The following SPECC1 variants were observed in gnomAD, a reference collection of about 807,000 sequenced individuals.
The protein encoded by SPECC1 is sperm antigen with calponin homology and coiled-coil domains 1.
Under a neutral mutation model 104.1 loss-of-function variants are expected in SPECC1, and 62 were observed. The ratio of observed to expected loss-of-function variants is 0.60; its 90% CI spans 0.49 to 0.74. SPECC1 has a LOEUF of 0.74. Among genes scored for constraint, SPECC1 ranks in the 30% least tolerant of loss-of-function variants. The probability of loss-of-function intolerance (pLI) is 0.00; values close to 1 mark genes in which losing one functional copy is unlikely to be tolerated. For missense variants in SPECC1, 1,306 were observed against 1,310.5 expected (o/e 1.00, Z 0.05); for synonymous variants, 513 against 501.6 (o/e 1.02, Z -0.30).
chr17:20,172,968 C>A (rs2034201173), intron 3 of SPECC1, among the ~76,000 whole-genome samples: 1 of 152,208 alleles, frequency 6.6e-6, no homozygotes, highest in Non-Finnish European at 1.5e-5. Flanking sequence ...TGCCTCCTTT[C>A]TTTACCTTGA....
At chr17:20,181,913 A>G (rs2034917849) in intron 3 of SPECC1, among the ~76,000 whole-genome samples, 1 of 152,222 alleles carries the variant, frequency 6.6e-6, no homozygotes, top group East Asian at 1.9e-4. Context: ...GGGTGGGTAG[A>G]TATAATGTTA....
At chr17:20,275,190 G>A (rs1183337342) in intron 12 of SPECC1, among the ~76,000 whole-genome samples, 2 of 152,088 alleles carry the variant, frequency 1.3e-5, no homozygotes, top group African/African-American at 2.4e-5. Flanking sequence ...GTACATATCT[G>A]GGGGCAAAAT....
chr17:20,099,823 G>A (rs2047855546), intron 2 of SPECC1, among the ~76,000 whole-genome samples: 1 of 151,622 alleles, frequency 6.6e-6, no homozygotes, highest in African/African-American at 2.4e-5. Flanking sequence ...TTCATGTTTT[G>A]GAAACTTGTT....
rs1350034210 is a variant in SPECC1, at chr17:20,232,131, T to C, written c.2146-69T>C. The C allele has an allele frequency of 2.5e-6, 4 of 1,577,042 alleles. No individual in the cohort carries two copies. The African/African-American group carries it at 5.4e-5, about 21-fold the overall frequency. Reference sequence around the variant, plus strand: ...TTTTCTTGGTGACCAACACGGGGACTCTGGGGTCCCTGCCCAGGCACTGGC... The same window carrying C: ...TTTTCTTGGTGACCAACACGGGGACCCTGGGGTCCCTGCCCAGGCACTGGC... On this transcript the variant is annotated intron_variant, in intron 6 of 14. Coordinates refer to ENST00000395527, the MANE Select transcript of SPECC1 (RefSeq NM_001243439.2).
At position 20,232,290 on chromosome 17, in the gene SPECC1, C is replaced by A; in HGVS notation, c.2236C>A (p.Leu746Met). The change falls in exon 7 of 15, where the codon CTG becomes ATG. Residue 746 changes from leucine to methionine, a missense_variant. Leu to Met is a conservative substitution (Grantham distance 15). Coordinates refer to ENST00000395527, the MANE Select transcript of SPECC1 (RefSeq NM_001243439.2). Reference protein sequence around the residue: ...NDIKCEAQQELRTVKRKLLEE... With the variant: ...NDIKCEAQQEMRTVKRKLLEE... ...CATCAAGTGTGAGGCCCAGCAGGAG[C>A]TGCGCACCGTGAAGAGGAAACTGCT... 3.1e-6 allele frequency: 5 copies of A among 1,614,180 alleles called. No homozygotes were observed. Among genetic ancestry groups the A allele is most frequent in the Non-Finnish European group, 3.4e-6 (4 of 1,180,032 alleles).
chr17:20,278,099 G>A (rs1266989011), intron 12 of SPECC1, among the ~76,000 whole-genome samples: 4 of 152,012 alleles, frequency 2.6e-5, no homozygotes, highest in East Asian at 1.9e-4. Flanking sequence ...GTGAAAGACC[G>A]GCTTTTTTTA....
At position 20,314,979 on chromosome 17, in the gene SPECC1, C is replaced by T. The variant is rs780802104; in HGVS notation, c.*914C>T. On this transcript the variant is annotated 3_prime_UTR_variant, in exon 15 of 15. Transcript: ENST00000395527. Reference sequence around the variant, plus strand: ...AGTCTGTGTGCTCCTGAGCAGCTCGCGGCTTTCACAGTAGGGAAACCGCAG... The same window carrying T: ...AGTCTGTGTGCTCCTGAGCAGCTCGTGGCTTTCACAGTAGGGAAACCGCAG... 8.6e-5 allele frequency: 20 copies of T among 232,660 alleles called. No homozygotes were observed. Among genetic ancestry groups the T allele is most frequent in the Non-Finnish European group, 1.5e-4 (18 of 117,674 alleles). 14.4% of individuals were successfully genotyped at this position (232,660 alleles called of 1,614,324 possible). A position where few individuals can be genotyped will look rare whatever the true frequency, so the allele number is the denominator to read the frequency against.
At chr17:20,201,039 T>C (rs1055062232) in intron 3 of SPECC1, among the ~76,000 whole-genome samples, 5 of 152,110 alleles carry the variant, frequency 3.3e-5, no homozygotes, top group Admixed American at 6.6e-5. Context: ...GTAACACTTA[T>C]GGGGAGAACA....
intron 14 of SPECC1, among the ~76,000 whole-genome samples, chr17:20,309,367 G>T (rs1004618714): frequency 2.0e-5 from 3 of 152,108 alleles, no homozygotes; most frequent in Non-Finnish European, 4.4e-5. Flanking sequence ...AGTTTCTGGG[G>T]TATAACATAT....
At chr17:20,275,571 G>T (rs1489866956) in intron 12 of SPECC1, among the ~76,000 whole-genome samples, 1 of 152,202 alleles carries the variant, frequency 6.6e-6, no homozygotes, top group Non-Finnish European at 1.5e-5. Context: ...ATGTTGTTGG[G>T]TAGAAGTTGG....
At chr17:20,098,831 G>C (rs2047780408) in intron 2 of SPECC1, among the ~76,000 whole-genome samples, 1 of 152,198 alleles carries the variant, frequency 6.6e-6, no homozygotes, top group Non-Finnish European at 1.5e-5. Flanking sequence ...TCTCATGGCT[G>C]GAAAGTAAGC....
intron 14 of SPECC1, among the ~76,000 whole-genome samples, chr17:20,313,241 A>G (rs1340401909): frequency 2.0e-5 from 3 of 152,250 alleles, no homozygotes; most frequent in African/African-American, 7.2e-5. Context: ...AAGCCAAAAA[A>G]TCACCAAACT....
At chr17:20,212,786 C>T (rs772973719) in intron 4 of SPECC1, among the ~76,000 whole-genome samples, 42 of 152,200 alleles carry the variant, frequency 2.8e-4, no homozygotes, top group African/African-American at 4.1e-4. Context: ...ACTTTTCAGA[C>T]GAATGAATGA....
intron 1 of SPECC1, among the ~76,000 whole-genome samples, chr17:20,026,945 C>T (rs1360496986): frequency 1.3e-5 from 2 of 150,294 alleles, no homozygotes; most frequent in African/African-American, 5.0e-5. Context: ...TTGCCAGCAT[C>T]CATTATATTT....
chr17:20,188,322 G>T (rs1335983927), intron 3 of SPECC1, among the ~76,000 whole-genome samples: 1 of 149,318 alleles, frequency 6.7e-6, no homozygotes, highest in African/African-American at 2.5e-5. Flanking sequence ...GCAGTGGTGT[G>T]ATCTCGGCTC....
At chr17:20,293,972 A>G (rs2041255540) in intron 12 of SPECC1, among the ~76,000 whole-genome samples, 2 of 151,978 alleles carry the variant, frequency 1.3e-5, no homozygotes, top group Admixed American at 6.6e-5. Flanking sequence ...ATGGGCAGGG[A>G]CTTAGAATTG....
At chr17:20,277,760 A>C (rs914811632) in intron 12 of SPECC1, among the ~76,000 whole-genome samples, 1 of 152,132 alleles carries the variant, frequency 6.6e-6, no homozygotes, top group Non-Finnish European at 1.5e-5. Flanking sequence ...CTCAGCGCCT[A>C]ACCACCGTTC....
Position 20,315,436 on chromosome 17 carries a change from G to A in SPECC1, c.*1371G>A, listed in dbSNP as rs2042027656. ...TGGCTCTGCCGTGTTCTTCTGGGCG[G>A]ATCTGTGTGCACTACACAGCGAGTG... On this transcript the variant is annotated 3_prime_UTR_variant, in exon 15 of 15. Coordinates refer to ENST00000395527, the MANE Select transcript of SPECC1 (RefSeq NM_001243439.2). 1 of 232,730 alleles carries A rather than the reference G, an allele frequency of 4.3e-6. No individual in the cohort carries two copies. Among genetic ancestry groups the A allele is most frequent in the African/African-American group, 2.2e-5 (1 of 45,314 alleles). The allele number at this position is 232,730 out of a possible 1,614,324, so 14.4% of individuals were successfully genotyped here. A position where few individuals can be genotyped will look rare whatever the true frequency, so the allele number is the denominator to read the frequency against.
intron 7 of SPECC1, chr17:20,238,826 G>C: frequency 1.9e-6 from 2 of 1,045,344 alleles, no homozygotes; most frequent in Non-Finnish European, 2.3e-6. Flanking sequence ...CTGTCGTTAG[G>C]TACTGTTGAA....
Sources: gnomAD v4.1 joint callset for allele counts (sites outside exome capture counted in the v4.1 genomes callset) on GRCh38, gnomAD v4.1.1 for gene constraint, MANE v1.5 for transcripts, NCBI Gene and HGNC (gene_info 2026-07-23, HGNC 2026-07-21) for gene names.